The following ARHGAP44 variants were observed in gnomAD, a reference collection of about 807,000 sequenced individuals.
ARHGAP44 encodes Rho GTPase activating protein 44.
ARHGAP44 carries 43 observed loss-of-function variants against 106.8 expected under a neutral mutation model. That is an observed-to-expected ratio of 0.40 (90% confidence interval 0.32 to 0.52). The LOEUF (loss-of-function observed/expected upper bound fraction) is 0.52. Ranked by LOEUF, ARHGAP44 falls within the 20% of genes least tolerant of loss-of-function variation. The pLI, the probability that ARHGAP44 is intolerant of heterozygous loss-of-function variation, is 0.48. For synonymous variants in ARHGAP44, 439 were observed against 410.3 expected, an observed-to-expected ratio of 1.07 and a Z score of -0.85; for missense variants, 866 against 1,050.5, an observed-to-expected ratio of 0.82 and a Z score of 2.43.
At chr17:12,803,061 C>T (rs567872256) in intron 1 of ARHGAP44, among the ~76,000 whole-genome samples, 1 of 146,846 alleles carries the variant, frequency 6.8e-6, no homozygotes, top group Non-Finnish European at 1.5e-5. Context: ...CAACCTCTGC[C>T]TCCTGGGTTC....
At chr17:12,973,565 C>A (rs998011950) in intron 17 of ARHGAP44, 1 of 553,974 alleles carries the variant, frequency 1.8e-6, no homozygotes, top group South Asian at 2.5e-5. Context: ...GCCAGGGTCC[C>A]AGCAGTGGTG....
At chr17:12,883,354 A>G (rs1041975830) in intron 1 of ARHGAP44, among the ~76,000 whole-genome samples, 1 of 151,310 alleles carries the variant, frequency 6.6e-6, no homozygotes, top group Non-Finnish European at 1.5e-5. Flanking sequence ...ATTAACCTAT[A>G]TGATTTTTAC....
At chr17:12,845,624 C>A (rs193142283) in intron 1 of ARHGAP44, among the ~76,000 whole-genome samples, 1 of 152,066 alleles carries the variant, frequency 6.6e-6, no homozygotes, top group Non-Finnish European at 1.5e-5. Flanking sequence ...TAAATCTTTG[C>A]GCATAGTAGG....
At position 12,984,648 on chromosome 17, in the gene ARHGAP44, C is replaced by T; in HGVS notation, c.2057C>T (p.Thr686Ile). ...PVSLSPTPPS[T>I]PSPYGLSYPQ... ...AGCCTGTCCCCCACCCCGCCCAGCA[C>T]CCCGTCACCCTATGGACTGAGCTAC... The change falls in exon 20 of 21, where the codon ACC (threonine) becomes ATC (isoleucine). Residue 686 changes from threonine to isoleucine, a missense_variant. Thr to Ile is a moderately conservative substitution (Grantham distance 89). Around this residue, in one of 2 missense-constraint regions of ARHGAP44, gnomAD observed 418 missense variants for 403.6 expected, o/e 1.04. Transcript: ENST00000379672. The T allele has an allele frequency of 6.2e-7, 1 of 1,612,846 alleles. No homozygotes were observed. Among genetic ancestry groups the T allele is most frequent in the East Asian group, 2.2e-5 (1 of 44,854 alleles).
chr17:12,980,337 G>A (rs2143407666), intron 19 of ARHGAP44, 104 bp downstream of exon 19: 4 of 1,259,742 alleles, frequency 3.2e-6, no homozygotes, highest in African/African-American at 1.5e-5. Flanking sequence ...GAAACTGTGT[G>A]GTTTAGTGAC....
At chr17:12,843,278 A>G (rs1334535110) in intron 1 of ARHGAP44, among the ~76,000 whole-genome samples, 2 of 152,082 alleles carry the variant, frequency 1.3e-5, no homozygotes. Flanking sequence ...TCCCCATCTC[A>G]GGAAACCATC....
chr17:12,915,139 A>C (rs1192971396), intron 4 of ARHGAP44, among the ~76,000 whole-genome samples: 1 of 152,170 alleles, frequency 6.6e-6, no homozygotes, highest in Non-Finnish European at 1.5e-5. Flanking sequence ...CCCAGGTACA[A>C]GTGATTCTCG....
intron 1 of ARHGAP44, among the ~76,000 whole-genome samples, chr17:12,808,147 T>C (rs1241840922): frequency 1.3e-5 from 2 of 152,242 alleles, no homozygotes; most frequent in Non-Finnish European, 2.9e-5. Flanking sequence ...CTGGGGCAGC[T>C]CCGCCCTTGT....
chr17:12,896,832 A>G (rs2037220524), intron 3 of ARHGAP44, among the ~76,000 whole-genome samples: 3 of 152,162 alleles, frequency 2.0e-5, no homozygotes, highest in Admixed American at 1.3e-4. Context: ...TTTATCCTTG[A>G]TCGATATCTG....
intron 6 of ARHGAP44, among the ~76,000 whole-genome samples, chr17:12,925,285 C>T (rs1430805694): frequency 1.3e-5 from 2 of 152,162 alleles, no homozygotes; most frequent in Non-Finnish European, 2.9e-5. Flanking sequence ...AAGGATGGCA[C>T]AGGCTTGACT....
chr17:12,816,768 G>A (rs2034610582), intron 1 of ARHGAP44, among the ~76,000 whole-genome samples: 1 of 152,124 alleles, frequency 6.6e-6, no homozygotes, highest in African/African-American at 2.4e-5. Flanking sequence ...GAAGAAAAAA[G>A]TGATAGAACC....
At chr17:12,897,710 C>CTTTTTTTTTTTTTTTT (rs71980749) in intron 3 of ARHGAP44, among the ~76,000 whole-genome samples, 2 of 108,950 alleles carry the variant, frequency 1.8e-5, no homozygotes, top group Admixed American at 1.0e-4. Context: ...TGATCTGTGT[C>CTTTTTTTTTTTTTTTT]TTTTTTTTTT....
At chr17:12,927,675 G>A (rs1179116309) in intron 6 of ARHGAP44, among the ~76,000 whole-genome samples, 1 of 152,110 alleles carries the variant, frequency 6.6e-6, no homozygotes, top group Non-Finnish European at 1.5e-5. Context: ...GCCCACCTCA[G>A]CCCCATCAGC....
chr17:12,974,197 C>T lies in ARHGAP44; in HGVS notation c.1650C>T (p.Ala550=), dbSNP rs1403626569. Residue 550 remains alanine, a synonymous_variant, in exon 18 of 21, where the codon GCC becomes GCT. Coordinates refer to ENST00000379672, the MANE Select transcript of ARHGAP44 (RefSeq NM_014859.6). ...CCATGCAGCCTCCCGCCCCGCCCGC[C>T]GAGCTGGCTGCGCCCCTGCCTTCGC... ...PPSMQPPAPP[A]ELAAPLPSPL... The T allele has an allele frequency of 1.9e-6, 3 of 1,548,736 alleles. No individual in the cohort carries two copies. Among genetic ancestry groups the T allele is most frequent in the South Asian group, 2.4e-5 (2 of 83,956 alleles).
intron 3 of ARHGAP44, among the ~76,000 whole-genome samples, chr17:12,904,164 T>C (rs2037476915): frequency 6.6e-6 from 1 of 152,220 alleles, no homozygotes; most frequent in Non-Finnish European, 1.5e-5. Context: ...TGGAGTGCAG[T>C]GGTGCCATCT....
intron 2 of ARHGAP44, 144 bp downstream of exon 2, chr17:12,895,123 C>T: frequency 1.4e-6 from 1 of 718,298 alleles, no homozygotes; most frequent in Non-Finnish European, 2.2e-6. Flanking sequence ...CAGCGAGACT[C>T]TGTCTCAAAA....
intron 7 of ARHGAP44, among the ~76,000 whole-genome samples, chr17:12,933,935 G>A (rs1378271363): frequency 1.3e-5 from 2 of 149,152 alleles, no homozygotes; most frequent in Non-Finnish European, 1.5e-5. Flanking sequence ...TGCAAGCTCC[G>A]CCTCCCGGGT....
intron 3 of ARHGAP44, among the ~76,000 whole-genome samples, chr17:12,897,876 G>A (rs1456762359): frequency 2.0e-5 from 3 of 151,982 alleles, no homozygotes; most frequent in Non-Finnish European, 4.4e-5. Context: ...ATTTTTCTGG[G>A]ATCAGATGAA....
At chr17:12,866,101 C>CTA (rs1475643532) in intron 1 of ARHGAP44, among the ~76,000 whole-genome samples, 7 of 152,066 alleles carry the variant, frequency 4.6e-5, no homozygotes, top group African/African-American at 1.7e-4. Context: ...AATGTTTCCT[C>CTA]TAATGGATCA....
Sources: gnomAD v4.1 joint callset for allele counts (sites outside exome capture counted in the v4.1 genomes callset) on GRCh38, gnomAD v4.1.1 for gene constraint, gnomAD v4.1.1 regional missense constraint, MANE v1.5 for transcripts, NCBI Gene and HGNC (gene_info 2026-07-23, HGNC 2026-07-21) for gene names.